The following ERC1 variants were observed in gnomAD, a reference collection of about 807,000 sequenced individuals.
ERC1 encodes RAB6 interacting protein 2.
Under a neutral mutation model 132.0 loss-of-function variants are expected in ERC1, and 56 were observed. The ratio of observed to expected loss-of-function variants is 0.42; its 90% CI spans 0.34 to 0.53. ERC1 has a LOEUF of 0.53. Among genes scored for constraint, ERC1 ranks in the 20% least tolerant of loss-of-function variants. ERC1 has a pLI of 0.03. For missense variants in ERC1, 1,202 were observed against 1,349.9 expected (o/e 0.89, Z 1.72); for synonymous variants, 478 against 476.1 (o/e 1.00, Z -0.05).
At chr12:1,438,916 T>G (rs960207003) in intron 17 of ERC1, among the ~76,000 whole-genome samples, 1 of 150,958 alleles carries the variant, frequency 6.6e-6, no homozygotes, top group African/African-American at 2.5e-5. Flanking sequence ...CACTCCAGTC[T>G]GGGTGACAAA....
At chr12:1,134,345 A>AT (rs200661798) in intron 7 of ERC1, among the ~76,000 whole-genome samples, 12,167 of 143,594 alleles carry the variant, frequency 0.085, 548 homozygotes, top group Middle Eastern at 0.15. Context: ...AGCTGTTCTA[A>AT]TTTTTTTTTT....
chr12:1,196,880 G>GTC (rs1956319870), intron 12 of ERC1, among the ~76,000 whole-genome samples: 11 of 56,896 alleles, frequency 1.9e-4, no homozygotes, highest in Admixed American at 4.0e-4. Flanking sequence ...CTCTCTCTCT[G>GTC]TCTGTCTGTC....
intron 8 of ERC1, among the ~76,000 whole-genome samples, chr12:1,147,353 T>G (rs912778466): frequency 1.3e-5 from 2 of 152,214 alleles, no homozygotes; most frequent in African/African-American, 4.8e-5. Context: ...ACTGCTTTTT[T>G]GGGGTCTATT....
At chr12:1,305,682 A>G (rs1390818937) in intron 15 of ERC1, among the ~76,000 whole-genome samples, 1 of 152,166 alleles carries the variant, frequency 6.6e-6, no homozygotes, top group Non-Finnish European at 1.5e-5. Flanking sequence ...TTCCTTCACA[A>G]TATTTATCAC....
rs1482223425 is a variant in ERC1, at chr12:1,490,601, A to C, written c.*371A>C. ...CTCTGACATGAGAATGAAACCAGGA[A>C]TGGACTTGGAGTTCAACAGGCTGAG... On this transcript the variant is annotated 3_prime_UTR_variant, in exon 19 of 19. Coordinates refer to ENST00000360905, the MANE Select transcript of ERC1 (RefSeq NM_178040.4). 1.5e-5 allele frequency: 4 copies of C among 267,272 alleles called. No homozygotes were observed. Among genetic ancestry groups the C allele is most frequent in the African/African-American group, 8.4e-5 (4 of 47,346 alleles). The allele number at this position is 267,272 out of a possible 1,614,324, so 16.6% of individuals were successfully genotyped here.
chr12:1,457,033 A>G (rs957855883), intron 18 of ERC1, among the ~76,000 whole-genome samples: 1 of 152,214 alleles, frequency 6.6e-6, no homozygotes, highest in Non-Finnish European at 1.5e-5. Context: ...TGATAAGACC[A>G]TATTTTTACT....
chr12:1,126,114 A>C (rs1239748132), intron 7 of ERC1, among the ~76,000 whole-genome samples: 1 of 152,240 alleles, frequency 6.6e-6, no homozygotes, highest in Non-Finnish European at 1.5e-5. Flanking sequence ...AATGATTGAG[A>C]TAGCAAATTT....
At chr12:1,269,851 C>T (rs2077709665) in intron 14 of ERC1, among the ~76,000 whole-genome samples, 1 of 152,220 alleles carries the variant, frequency 6.6e-6, no homozygotes, top group Non-Finnish European at 1.5e-5. Context: ...GCACCCCTCA[C>T]TTGACAACTC....
chr12:1,394,470 C>T (rs1318479378), intron 16 of ERC1, among the ~76,000 whole-genome samples: 1 of 152,122 alleles, frequency 6.6e-6, no homozygotes, highest in Non-Finnish European at 1.5e-5. Flanking sequence ...TAAAATACAA[C>T]TGTACACTCA....
chr12:1,058,244 C>T (rs1456301157), intron 2 of ERC1, among the ~76,000 whole-genome samples: 1 of 151,996 alleles, frequency 6.6e-6, no homozygotes, highest in African/African-American at 2.4e-5. Flanking sequence ...GAAACCTTAC[C>T]AAGAAAGTCT....
chr12:1,440,347 G>A (rs1592074259), intron 17 of ERC1, among the ~76,000 whole-genome samples: 2 of 149,210 alleles, frequency 1.3e-5, no homozygotes, highest in East Asian at 4.0e-4. Context: ...TGGGACTACA[G>A]ACGCCCGCCA....
chr12:1,284,905 C>T (rs1301872709), intron 14 of ERC1, among the ~76,000 whole-genome samples: 1 of 152,204 alleles, frequency 6.6e-6, no homozygotes, highest in Admixed American at 6.5e-5. Context: ...CCTGGAATTA[C>T]AGGCATGAGC....
At chr12:1,395,060 C>G (rs1327751399) in intron 16 of ERC1, among the ~76,000 whole-genome samples, 1 of 152,158 alleles carries the variant, frequency 6.6e-6, no homozygotes, top group East Asian at 1.9e-4. Flanking sequence ...AGAACAGATA[C>G]AGCTGGGAGA....
chr12:1,207,761 C>T (rs1349474906), intron 12 of ERC1, among the ~76,000 whole-genome samples: 3 of 152,150 alleles, frequency 2.0e-5, no homozygotes, highest in South Asian at 4.2e-4. Flanking sequence ...GGTTGTAGAT[C>T]ACCACAAATT....
In ERC1 at chr12:1,189,944, A is replaced by C; in HGVS notation, c.2243A>C (p.Lys748Thr). 6.2e-7 allele frequency: 1 copy of C among 1,614,162 alleles called. No homozygotes were observed. The highest frequency in any genetic ancestry group is 8.5e-7 in the Non-Finnish European group (1 of 1,180,004). Residue 748 changes from lysine to threonine, a missense_variant, in exon 12 of 19, where the codon AAA becomes ACA. Coordinates refer to ENST00000360905, the MANE Select transcript of ERC1 (RefSeq NM_178040.4). ...TTGGAGAGAGAGATCACCAGGTACA[A>C]AGATGAATCTAGCAAGGCCCAGGCA... ...QHLEREITRYKDESSKAQAEV... is the reference protein window; with the variant it reads ...QHLEREITRYTDESSKAQAEV...
At chr12:1,452,327 T>C (rs2093442598) in intron 18 of ERC1, among the ~76,000 whole-genome samples, 1 of 152,194 alleles carries the variant, frequency 6.6e-6, no homozygotes, top group Non-Finnish European at 1.5e-5. Context: ...TTGGTTGATA[T>C]ACCATGTTCT....
intron 15 of ERC1, among the ~76,000 whole-genome samples, chr12:1,330,781 T>C (rs1318804131): frequency 6.6e-6 from 1 of 152,238 alleles, no homozygotes; most frequent in African/African-American, 2.4e-5. Flanking sequence ...AATATTTTGT[T>C]CTGCAACTCC....
intron 14 of ERC1, among the ~76,000 whole-genome samples, chr12:1,286,373 C>T (rs1224913653): frequency 1.3e-5 from 2 of 151,412 alleles, no homozygotes; most frequent in Non-Finnish European, 2.9e-5. Flanking sequence ...AAGTGTTCAT[C>T]TCAAGAAATG....
intron 7 of ERC1, among the ~76,000 whole-genome samples, chr12:1,135,765 A>G (rs772346747): frequency 1.3e-5 from 2 of 152,210 alleles, no homozygotes; most frequent in Non-Finnish European, 2.9e-5. Context: ...CAGAGCCCTC[A>G]TAGAGAGCAA....
Sources: allele counts gnomAD v4.1 joint callset (sites outside exome capture counted in the v4.1 genomes callset), GRCh38; gene constraint gnomAD v4.1.1; transcripts MANE v1.5; gene names NCBI Gene and HGNC (gene_info 2026-07-23, HGNC 2026-07-21).